INTS4: variants seen among roughly 807,000 people sequenced by gnomAD.
INTS4 encodes integrator complex subunit 4, also known as MSTP093.
INTS4 carries 70 observed loss-of-function variants against 119.5 expected under a neutral mutation model. That is an observed-to-expected ratio of 0.59 (90% CI 0.48 to 0.71). INTS4 has a LOEUF of 0.71. Among genes scored for constraint, INTS4 ranks in the 30% least tolerant of loss-of-function variants. The probability of loss-of-function intolerance (pLI) is 0.00; values close to 1 mark genes in which losing one functional copy is unlikely to be tolerated. For missense variants in INTS4, 867 were observed against 1,173.2 expected, an observed-to-expected ratio of 0.74 and a Z score of 3.81; for synonymous variants, 316 against 419.6, an observed-to-expected ratio of 0.75 and a Z score of 3.02.
intron 1 of INTS4, 76 bp from the exon 2 acceptor site, chr11:77,991,375 C>T (rs1185562388): frequency 1.8e-6 from 2 of 1,132,178 alleles, no homozygotes; most frequent in Non-Finnish European, 2.6e-6. Context: ...AATGATTTTC[C>T]ATTATACCAA....
chr11:77,979,347 C>T (rs1486323131), intron 3 of INTS4, among the ~76,000 whole-genome samples: 1 of 151,850 alleles, frequency 6.6e-6, no homozygotes, highest in Non-Finnish European at 1.5e-5. Context: ...AGGTGGTGTG[C>T]GCCCAGAGTC....
intron 4 of INTS4, among the ~76,000 whole-genome samples, chr11:77,970,343 G>A (rs1182221255): frequency 1.3e-5 from 2 of 152,004 alleles, no homozygotes; most frequent in Admixed American, 6.6e-5. Flanking sequence ...AGGTTGCAGT[G>A]AGCCAAGATC....
chr11:77,878,543 G>A (rs1215230515), downstream of INTS4, among the ~76,000 whole-genome samples: 2 of 152,086 alleles, frequency 1.3e-5, no homozygotes, highest in African/African-American at 4.8e-5. Flanking sequence ...CGGCCTTGGA[G>A]TTGCCCTGAC....
At chr11:77,934,478 G>A (rs1382975214) in intron 10 of INTS4, among the ~76,000 whole-genome samples, 1 of 152,042 alleles carries the variant, frequency 6.6e-6, no homozygotes, top group Non-Finnish European at 1.5e-5. Context: ...AATCCCAGAG[G>A]GAAGAGACAA....
chr11:77,990,332 A>G (rs772797275), intron 2 of INTS4, among the ~76,000 whole-genome samples: 7 of 152,138 alleles, frequency 4.6e-5, no homozygotes, highest in Non-Finnish European at 1.0e-4. Context: ...TCCAGGCTAC[A>G]GTGACCTATG....
intron 2 of INTS4, among the ~76,000 whole-genome samples, chr11:77,982,997 G>T (rs1363082713): frequency 6.6e-6 from 1 of 152,172 alleles, no homozygotes; most frequent in African/African-American, 2.4e-5. Flanking sequence ...CACTTTCTTG[G>T]GAACTTACCT....
chr11:77,953,633 G>T (rs1257154004), intron 8 of INTS4, among the ~76,000 whole-genome samples: 2 of 151,746 alleles, frequency 1.3e-5, no homozygotes, highest in East Asian at 3.9e-4. Context: ...GCACAGGCTG[G>T]AGTGCAATGG....
rs1223224305 is a variant in INTS4 at position 77,981,577 on chromosome 11, C to T, written c.247-1G>A. ...TCAGTCTCACAGATGGATCATTCTC[C>T]TGGAAAAAAAGAAGCAATTGTCACT... On this transcript the variant is annotated splice_acceptor_variant, in intron 2 of 22. Coordinates refer to ENST00000534064, the MANE Select transcript of INTS4 (RefSeq NM_033547.4). LOFTEE classifies it high-confidence loss of function. 3 of 1,525,042 alleles carry T rather than the reference C, an allele frequency of 2.0e-6. No homozygotes were observed. The highest frequency in any genetic ancestry group is 1.4e-5 in the African/African-American group (1 of 72,312). The allele number at this position is 1,525,042 out of a possible 1,614,324, so 94.5% of individuals were successfully genotyped here. A position where few individuals can be genotyped will look rare whatever the true frequency, so the allele number is the denominator to read the frequency against.
intron 22 of INTS4, among the ~76,000 whole-genome samples, chr11:77,883,075 A>AAAT (rs10687244): frequency 0.68 from 101,313 of 148,202 alleles, 34,760 homozygotes; most frequent in African/African-American, 0.73. Context: ...CTCCGTCTCA[A>AAAT]AATAATAATA....
At chr11:77,885,168 C>A (rs1951950934) in intron 21 of INTS4, among the ~76,000 whole-genome samples, 1 of 152,056 alleles carries the variant, frequency 6.6e-6, no homozygotes, top group Non-Finnish European at 1.5e-5. Context: ...ACCTCCGCCT[C>A]CCGGGTTAAA....
intron 15 of INTS4, among the ~76,000 whole-genome samples, chr11:77,917,823 C>T (rs977543607): frequency 6.6e-6 from 1 of 151,600 alleles, no homozygotes; most frequent in African/African-American, 2.4e-5. Context: ...TGGTTGTTCC[C>T]CAATATCTTT....
At chr11:77,948,658 AAAAAAAAAAC>A (rs1278735449) in intron 8 of INTS4, among the ~76,000 whole-genome samples, 2,972 of 90,080 alleles carry the variant, frequency 0.033, 53 homozygotes, top group Middle Eastern at 0.04. Flanking sequence ...AAGAAACAAA[AAAAAAAAAAC>A]AAAAAAAAAA....
chr11:77,875,879 A>G (rs1951580452), downstream of INTS4, among the ~76,000 whole-genome samples: 1 of 152,174 alleles, frequency 6.6e-6, no homozygotes, highest in Non-Finnish European at 1.5e-5. Context: ...ACTACAGGTA[A>G]TTCTGTTCAA....
intron 10 of INTS4, 77 bp from the exon 11 acceptor site, chr11:77,928,624 G>C: frequency 6.6e-7 from 1 of 1,525,692 alleles, no homozygotes; most frequent in Non-Finnish European, 8.8e-7. Flanking sequence ...CACTTTGGGA[G>C]GCCAAGGGAG....
chr11:77,947,646 C>A (rs1954080606), intron 8 of INTS4, among the ~76,000 whole-genome samples: 1 of 152,150 alleles, frequency 6.6e-6, no homozygotes, highest in Admixed American at 6.5e-5. Context: ...AATTTTCAAT[C>A]TGCTAGTATG....
chr11:77,982,586 G>A (rs1856290688), intron 2 of INTS4, among the ~76,000 whole-genome samples: 1 of 152,088 alleles, frequency 6.6e-6, no homozygotes, highest in Non-Finnish European at 1.5e-5. Context: ...AGAGAGGGAG[G>A]TGGTCTCTAA....
chr11:77,909,867 G>A (rs2136458971), intron 15 of INTS4, among the ~76,000 whole-genome samples: 1 of 152,300 alleles, frequency 6.6e-6, no homozygotes. Context: ...GGCCATCAGA[G>A]AAATGCAAAT....
chr11:77,958,540 T>C, intron 7 of INTS4, among the ~76,000 whole-genome samples: 1 of 152,234 alleles, frequency 6.6e-6, no homozygotes, highest in East Asian at 1.9e-4. Context: ...GTGAAGTATC[T>C]TTCCAAAGTG....
At chr11:77,916,735 T>A (rs1211005310) in intron 15 of INTS4, among the ~76,000 whole-genome samples, 1 of 152,222 alleles carries the variant, frequency 6.6e-6, no homozygotes, top group Non-Finnish European at 1.5e-5. Flanking sequence ...AGCTAAAGGA[T>A]CTTCTCCTTT....
Sources: allele counts gnomAD v4.1 joint callset (sites outside exome capture counted in the v4.1 genomes callset), GRCh38; gene constraint gnomAD v4.1.1; transcripts MANE v1.5; gene names NCBI Gene and HGNC (gene_info 2026-07-23, HGNC 2026-07-21).